TMEFF1: variants seen among roughly 807,000 people sequenced by gnomAD.
The protein encoded by TMEFF1 is tomoregulin-1.
A neutral mutation model predicts 47.5 loss-of-function variants in TMEFF1; 20 were observed. The observed-to-expected ratio is 0.42, with a 90% confidence interval of 0.30 to 0.61. The LOEUF is 0.61. Among genes scored for constraint, TMEFF1 ranks in the 20% least tolerant of loss-of-function variants. The pLI is 0.19. For synonymous variants in TMEFF1, 162 were observed against 166.3 expected, an observed-to-expected ratio of 0.97 and a Z score of 0.20; for missense variants, 411 against 471.1, an observed-to-expected ratio of 0.87 and a Z score of 1.18.
chr9:100,572,663 A>G lies in TMEFF1; in HGVS notation c.1045A>G (p.Met349Val), dbSNP rs996339295. The G allele has an allele frequency of 1.9e-6, 3 of 1,610,286 alleles. No homozygotes were observed. The highest frequency in any genetic ancestry group is 3.4e-5 in the Admixed American group (2 of 59,136). Reference protein sequence around the residue: ...VQIAIIVAIVMCITRKCPKNN... With the variant: ...VQIAIIVAIVVCITRKCPKNN... ...GATTGCCATCATAGTAGCAATTGTA[A>G]TGTGCATAACAAGGTAGGTAATGAT... Residue 349 changes from methionine to valine, a missense_variant, in exon 9 of 10, where the codon ATG becomes GTG. Met to Val is a conservative substitution (Grantham distance 21). Transcript: ENST00000374879.
chr9:100,483,144 T>C (rs572888767), intron 1 of TMEFF1, among the ~76,000 whole-genome samples: 1 of 152,194 alleles, frequency 6.6e-6, no homozygotes, highest in Non-Finnish European at 1.5e-5. Flanking sequence ...ATGGGTTTTT[T>C]CATGATTTTG....
intron 5 of TMEFF1, among the ~76,000 whole-genome samples, chr9:100,528,129 C>T (rs1838302243): frequency 6.6e-6 from 1 of 150,942 alleles, no homozygotes; most frequent in South Asian, 2.1e-4. Flanking sequence ...GATAAAACCA[C>T]AAAGATGGGG....
intron 5 of TMEFF1, among the ~76,000 whole-genome samples, chr9:100,542,039 T>C (rs1429756856): frequency 6.6e-6 from 1 of 152,170 alleles, no homozygotes; most frequent in Non-Finnish European, 1.5e-5. Context: ...TTAAATATAT[T>C]GTGAATACTG....
At chr9:100,560,184 G>A (rs146653613) in intron 7 of TMEFF1, among the ~76,000 whole-genome samples, 4 of 152,006 alleles carry the variant, frequency 2.6e-5, no homozygotes, top group African/African-American at 7.2e-5. Context: ...GCCCTGTGAT[G>A]TTACATGATG....
intron 1 of TMEFF1, among the ~76,000 whole-genome samples, chr9:100,492,010 C>T (rs1415657668): frequency 1.3e-5 from 2 of 151,866 alleles, no homozygotes; most frequent in Non-Finnish European, 2.9e-5. Context: ...CTCAGCCTCC[C>T]GAGTAGCTGG....
At chr9:100,568,247 G>T (rs73657325) in intron 8 of TMEFF1, among the ~76,000 whole-genome samples, 4,649 of 152,258 alleles carry the variant, frequency 0.031, 231 homozygotes, top group African/African-American at 0.11. Flanking sequence ...TTTGGCTTAA[G>T]CCAAACCATT....
intron 9 of TMEFF1, among the ~76,000 whole-genome samples, chr9:100,575,130 A>G (rs1172318814): frequency 6.6e-6 from 1 of 152,012 alleles, no homozygotes; most frequent in African/African-American, 2.4e-5. Flanking sequence ...ACTTGGATTT[A>G]TTTCCATTGA....
intron 5 of TMEFF1, among the ~76,000 whole-genome samples, chr9:100,532,018 T>A (rs1406433436): frequency 6.6e-6 from 1 of 151,462 alleles, no homozygotes; most frequent in Non-Finnish European, 1.5e-5. Context: ...TAAATGGTGC[T>A]GGGAAAACTG....
chr9:100,510,015 C>T (rs1050381711), intron 3 of TMEFF1, among the ~76,000 whole-genome samples: 1 of 152,028 alleles, frequency 6.6e-6, no homozygotes, highest in African/African-American at 2.4e-5. Flanking sequence ...ATTATTATAT[C>T]AAGGTTAGTG....
At chr9:100,521,200 T>A (rs1351231773) in intron 5 of TMEFF1, among the ~76,000 whole-genome samples, 1 of 152,256 alleles carries the variant, frequency 6.6e-6, no homozygotes, top group Non-Finnish European at 1.5e-5. Context: ...ATCTGTCTTG[T>A]CTGCTCAATG....
intron 1 of TMEFF1, among the ~76,000 whole-genome samples, chr9:100,474,777 C>T (rs900883648): frequency 2.6e-5 from 4 of 152,060 alleles, no homozygotes; most frequent in Non-Finnish European, 5.9e-5. Flanking sequence ...TGACCTCTCC[C>T]CTCTCTCCAA....
rs555402463 is a variant in TMEFF1, at chr9:100,526,397, G to A, written c.560+9626G>A. Among the ~76,000 whole-genome samples, 17 of 152,024 alleles carry A rather than the reference G, an allele frequency of 1.1e-4. No individual in the cohort carries two copies. In the South Asian group the frequency reaches 2.7e-3, roughly 24 times the overall value. On this transcript the variant is annotated intron_variant, in intron 5 of 9. Transcript: ENST00000374879. ...TTTCTATTTTTGGTACTCCTGTTACGTGAATGTTGACATCCTGGTCTAGTC... is the reference window on the plus strand; with the variant it reads ...TTTCTATTTTTGGTACTCCTGTTACATGAATGTTGACATCCTGGTCTAGTC...
intron 3 of TMEFF1, among the ~76,000 whole-genome samples, chr9:100,512,681 A>G (rs919026895): frequency 6.6e-6 from 1 of 152,196 alleles, no homozygotes; most frequent in Admixed American, 6.5e-5. Context: ...TCTTTCTGGT[A>G]ACTTTGATGA....
intron 8 of TMEFF1, among the ~76,000 whole-genome samples, chr9:100,563,383 A>G (rs1267695242): frequency 1.3e-5 from 2 of 152,220 alleles, no homozygotes; most frequent in African/African-American, 4.8e-5. Flanking sequence ...TAAATGAAGG[A>G]CGAGAGAGAG....
In TMEFF1 at chr9:100,516,712, C is replaced by T. The variant is rs1162434929; in HGVS notation, c.501C>T (p.His167=). 1.2e-6 allele frequency: 2 copies of T among 1,613,678 alleles called. No homozygotes were observed. Among genetic ancestry groups the T allele is most frequent in the East Asian group, 2.2e-5 (1 of 44,872 alleles). ...EGSGAEVHRK[H]SKCGPCKYKA... ...CAGGGGCAGAAGTTCACAGAAAACA[C>T]TCCAAGTGTGGACCCTGCAAATATA... Residue 167 remains histidine, a synonymous_variant, in exon 5 of 10, where the codon CAC becomes CAT. Transcript: ENST00000374879.
intron 4 of TMEFF1, among the ~76,000 whole-genome samples, chr9:100,514,053 T>C (rs1838019438): frequency 6.6e-6 from 1 of 152,194 alleles, no homozygotes; most frequent in Non-Finnish European, 1.5e-5. Context: ...AATGAGGCTA[T>C]AATTCTTAAT....
At chr9:100,513,118 T>G (rs543934785) in intron 3 of TMEFF1, among the ~76,000 whole-genome samples, 189 bp from the exon 4 acceptor site, 21 of 152,232 alleles carry the variant, frequency 1.4e-4, no homozygotes, top group African/African-American at 5.1e-4. Flanking sequence ...TGATTATGTA[T>G]CTAAGCAATT....
chr9:100,508,973 G>A lies in TMEFF1; in HGVS notation c.307-32G>A, dbSNP rs1837912965. The A allele has an allele frequency of 3.9e-6, 6 of 1,537,934 alleles. No homozygotes were observed. The East Asian group carries it at 1.4e-4, about 36-fold the overall frequency. The stretch of plus-strand genomic sequence containing the variant: ...AATAAACTATTAATATTCATGCCTA[G>A]TTCTGAGAATTTATTTTTGTTGCTT... On this transcript the variant is annotated intron_variant, in intron 2 of 9. Coordinates refer to ENST00000374879, the MANE Select transcript of TMEFF1 (RefSeq NM_003692.5).
chr9:100,539,691 G>C (rs1838590499), intron 5 of TMEFF1, among the ~76,000 whole-genome samples: 2 of 152,196 alleles, frequency 1.3e-5, no homozygotes, highest in Admixed American at 1.3e-4. Context: ...TTATTGTGAA[G>C]AGTGAAAGAA....
Sources: gnomAD v4.1 joint callset for allele counts (sites outside exome capture counted in the v4.1 genomes callset) on GRCh38, gnomAD v4.1.1 for gene constraint, MANE v1.5 for transcripts, NCBI Gene and HGNC (gene_info 2026-07-23, HGNC 2026-07-21) for gene names.